Variants in CCDC71 observed in about 807,000 individuals in gnomAD.
CCDC71 encodes the protein coiled-coil domain-containing protein 71.
For synonymous variants in CCDC71, 257 were observed against 242.2 expected, an observed-to-expected ratio of 1.06 and a Z score of -0.57; for missense variants, 594 against 604.0, an observed-to-expected ratio of 0.98 and a Z score of 0.17.
At chr3:49,165,823 TG>T (rs2107655091) in intron 1 of CCDC71, among the ~76,000 whole-genome samples, 1 of 152,366 alleles carries the variant, frequency 6.6e-6, no homozygotes, top group South Asian at 2.1e-4. Flanking sequence ...CAGGTTAGGC[TG>T]GGCTCTTGGG....
chr3:49,162,573 T>A lies in CCDC71; in HGVS notation c.*232A>T. The A allele has an allele frequency of 3.4e-6, 2 of 589,680 alleles. No individual in the cohort carries two copies. The allele number at this position is 589,680 out of a possible 1,614,324, so 36.5% of individuals were successfully genotyped here. A position where few individuals can be genotyped will look rare whatever the true frequency, so the allele number is the denominator to read the frequency against. ...AACGTGATAGATGGAACAGTAGACA[T>A]ACAACTTGAATAACAAGTCACAGTG... On this transcript the variant is annotated 3_prime_UTR_variant, in exon 2 of 2. Transcript: ENST00000321895.
Position 49,163,900 on chromosome 3 carries a change from G to A in CCDC71, c.309C>T (p.Pro103=). Residue 103 remains proline, a synonymous_variant, in exon 2 of 2, where the codon CCC becomes CCT. Transcript: ENST00000321895. ...CTGCAGGCAACCGCATGGCAGTTCGGGGAGCACTGGCTGGAGGTGATGTGG... is the reference window on the plus strand; with the variant it reads ...CTGCAGGCAACCGCATGGCAGTTCGAGGAGCACTGGCTGGAGGTGATGTGG... The part of the protein sequence containing the change: ...PTATSPPASA[P]RTAMRLPAGR... 6.2e-7 allele frequency: 1 copy of A among 1,614,232 alleles called. No individual in the cohort carries two copies. The highest frequency in any genetic ancestry group is 8.5e-7 in the Non-Finnish European group (1 of 1,180,038).
intron 1 of CCDC71, among the ~76,000 whole-genome samples, chr3:49,165,140 G>A (rs1056638228): frequency 1.3e-5 from 2 of 152,194 alleles, no homozygotes; most frequent in Non-Finnish European, 2.9e-5. Context: ...TGAGTAGCAG[G>A]TGCCAATGAC....
In CCDC71 at chr3:49,162,789, T is replaced by C. The variant is rs774090662; in HGVS notation, c.*16A>G. ...CAGCTGGGCTTAGTTTCCCCAAACATTGCCGTGTGAAGGAATCAGACTGCT... is the reference window on the plus strand; with the variant it reads ...CAGCTGGGCTTAGTTTCCCCAAACACTGCCGTGTGAAGGAATCAGACTGCT... On this transcript the variant is annotated 3_prime_UTR_variant, in exon 2 of 2. Coordinates refer to ENST00000321895, the MANE Select transcript of CCDC71 (RefSeq NM_022903.4). 5.6e-6 allele frequency: 9 copies of C among 1,607,678 alleles called. No individual in the cohort carries two copies. Among genetic ancestry groups the C allele is most frequent in the African/African-American group, 1.3e-5 (1 of 74,862 alleles).
chr3:49,164,976 G>A (rs745742837), intron 1 of CCDC71, among the ~76,000 whole-genome samples: 24 of 152,214 alleles, frequency 1.6e-4, no homozygotes, highest in Admixed American at 5.2e-4. Flanking sequence ...CTGTTCATGT[G>A]TGGAGCTGGA....
In CCDC71 at chr3:49,163,353, C is replaced by T. The variant is rs759447784; in HGVS notation, c.856G>A (p.Ala286Thr). The T allele has an allele frequency of 1.2e-6, 2 of 1,613,988 alleles. No individual in the cohort carries two copies. The highest frequency in any genetic ancestry group is 8.5e-7 in the Non-Finnish European group (1 of 1,180,042). The stretch of plus-strand genomic sequence containing the variant: ...CGAGCAGCTTTGGCCAGTGTTCGAG[C>T]TACCTTGGCCTGGGCTGTTTTGGTG... ...LGTKTAQAKVARTLAKAARAQ... is the reference protein window; with the variant it reads ...LGTKTAQAKVTRTLAKAARAQ... The change falls in exon 2 of 2, where the codon GCT (alanine) becomes ACT (threonine). Residue 286 changes from alanine (A) to threonine (T), a missense_variant. Physicochemically the swap from Ala to Thr is moderately conservative, Grantham distance 58. Coordinates refer to ENST00000321895, the MANE Select transcript of CCDC71 (RefSeq NM_022903.4).
chr3:49,164,898 C>G (rs755282678), intron 1 of CCDC71, among the ~76,000 whole-genome samples: 2 of 152,152 alleles, frequency 1.3e-5, no homozygotes, highest in African/African-American at 2.4e-5. Flanking sequence ...AACAAAGAAC[C>G]CTGAATGTTA....
Position 49,164,144 on chromosome 3 carries a change from G to A in CCDC71, c.65C>T (p.Ala22Val). 6.2e-7 allele frequency: 1 copy of A among 1,613,674 alleles called. No individual in the cohort carries two copies. Among genetic ancestry groups the A allele is most frequent in the Middle Eastern group, 1.6e-4 (1 of 6,062 alleles). ...AVHSWSRIST[A>V]GKKALEEALL... ...TGCCTCTTCCAGGGCCTTCTTCCCT[G>A]CCGTGGAGATGCGCGACCAGGAGTG... Residue 22 changes from alanine to valine, a missense_variant, in exon 2 of 2, where the codon GCA becomes GTA. Physicochemically the swap from Ala to Val is moderately conservative, Grantham distance 64. Coordinates refer to ENST00000321895, the MANE Select transcript of CCDC71 (RefSeq NM_022903.4).
chr3:49,166,114 G>A lies in CCDC71; in HGVS notation c.-53+153C>T, dbSNP rs1269437185. Among the ~76,000 whole-genome samples the A allele has an allele frequency of 6.8e-6, 1 of 146,116 alleles. No individual in the cohort carries two copies. The highest frequency in any genetic ancestry group is 1.5e-5 in the Non-Finnish European group (1 of 66,112). ...ACCGGGACCGCACAGCCCCAGGGTGGGGTCGCTGGGCGCGGGGTGGGGGTG... is the reference window on the plus strand; with the variant it reads ...ACCGGGACCGCACAGCCCCAGGGTGAGGTCGCTGGGCGCGGGGTGGGGGTG... On this transcript the variant is annotated intron_variant, in intron 1 of 1. Transcript: ENST00000321895. This position sits in a 1 kb window ranked among gnomAD's most constrained non-coding sequence, Gnocchi z 4.0.
chr3:49,165,548 T>A (rs553633716), intron 1 of CCDC71, among the ~76,000 whole-genome samples: 7 of 152,366 alleles, frequency 4.6e-5, no homozygotes, highest in African/African-American at 1.7e-4. Flanking sequence ...ATGCAGCAGA[T>A]GAAGTCTTCA....
rs750500708 is a variant in CCDC71, at chr3:49,162,821, G to A, written c.1388C>T (p.Pro463Leu). Residue 463 changes from proline to leucine, a missense_variant, in exon 2 of 2, where the codon CCA becomes CTA. By Grantham distance (98) the Pro-to-Leu change is moderately conservative (BLOSUM62 -3). Transcript: ENST00000321895. ...GTGAAGGAATCAGACTGCTGAATAT[G>A]GCAGCAATGGCTGGAGCCGTATTAC... ...SPVIRLQPLL[P>L]YSAV 5.0e-6 allele frequency: 8 copies of A among 1,612,964 alleles called. No individual in the cohort carries two copies. In the Admixed American group the frequency reaches 6.7e-5, roughly 13 times the overall value.
In CCDC71 at chr3:49,163,921, T is replaced by G. The variant is rs748528332; in HGVS notation, c.288A>C (p.Thr96=). 6.2e-7 allele frequency: 1 copy of G among 1,614,146 alleles called. No homozygotes were observed. Among genetic ancestry groups the G allele is most frequent in the South Asian group, 1.1e-5 (1 of 91,078 alleles). The part of the protein sequence containing the change: ...LQARAPNPTA[T]SPPASAPRTA... The stretch of plus-strand genomic sequence containing the variant: ...TTCGGGGAGCACTGGCTGGAGGTGA[T>G]GTGGCAGTTGGGTTAGGGGCACGAG... Residue 96 remains threonine (T), a synonymous_variant, in exon 2 of 2, where the codon ACA becomes ACC. Transcript: ENST00000321895.
chr3:49,163,501 G>C lies in CCDC71; in HGVS notation c.708C>G (p.Pro236=). ...CAGGGCCTTTGCGAGTCAGACACTTGGGGCCCTTGCTTGTGGTTTTTCTGG... is the reference window on the plus strand; with the variant it reads ...CAGGGCCTTTGCGAGTCAGACACTTCGGGCCCTTGCTTGTGGTTTTTCTGG... The part of the protein sequence containing the change: ...KAPRKTTSKG[P]KCLTRKGPGA... Residue 236 remains proline (P), a synonymous_variant, in exon 2 of 2, where the codon CCC becomes CCG. Transcript: ENST00000321895. 6.2e-7 allele frequency: 1 copy of C among 1,614,232 alleles called. No homozygotes were observed. Among genetic ancestry groups the C allele is most frequent in the Non-Finnish European group, 8.5e-7 (1 of 1,180,036 alleles).
Position 49,163,595 on chromosome 3 carries a change from A to C in CCDC71, c.614T>G (p.Leu205Arg), listed in dbSNP as rs773019640. The change falls in exon 2 of 2, where the codon CTT (leucine) becomes CGT (arginine). Residue 205 changes from leucine (L) to arginine (R), a missense_variant. Transcript: ENST00000321895. ...KHKAQSLQLS[L>R]ADSPLKLRKS... ...CCGCAGTTTCAGAGGAGAGTCTGCA[A>C]GTGAGAGCTGCAGTGACTGTGCCTT... 2 of 1,614,098 alleles carry C rather than the reference A, an allele frequency of 1.2e-6. No homozygotes were observed. The highest frequency in any genetic ancestry group is 1.7e-6 in the Non-Finnish European group (2 of 1,180,038).
At chr3:49,165,592 G>C (rs1269554984) in intron 1 of CCDC71, among the ~76,000 whole-genome samples, 3 of 152,266 alleles carry the variant, frequency 2.0e-5, no homozygotes, top group Non-Finnish European at 4.4e-5. Context: ...AGGGCTCTTT[G>C]TTTGGAAACA....
intron 1 of CCDC71, among the ~76,000 whole-genome samples, chr3:49,164,815 A>G (rs2045713613): frequency 6.6e-6 from 1 of 152,254 alleles, no homozygotes; most frequent in African/African-American, 2.4e-5. Context: ...CAATGGCTCC[A>G]AAGTGAGAAA....
In CCDC71 at chr3:49,166,125, C is replaced by T. The variant is rs1440180856; in HGVS notation, c.-53+142G>A. Reference sequence around the variant, plus strand: ...ACAGCCCCAGGGTGGGGTCGCTGGGCGCGGGGTGGGGGTGGGGTGGGGGGT... The same window carrying T: ...ACAGCCCCAGGGTGGGGTCGCTGGGTGCGGGGTGGGGGTGGGGTGGGGGGT... On this transcript the variant is annotated intron_variant, in intron 1 of 1. Coordinates refer to ENST00000321895, the MANE Select transcript of CCDC71 (RefSeq NM_022903.4). The surrounding 1 kb of genome is among the most constrained non-coding windows in gnomAD (Gnocchi z 4.0). 2 of 63,550 alleles carry T rather than the reference C, an allele frequency of 3.1e-5. No homozygotes were observed. The highest frequency in any genetic ancestry group is 6.2e-5 in the Non-Finnish European group (2 of 32,390). The allele number at this position is 63,550 out of a possible 1,614,324, so 3.9% of individuals were successfully genotyped here.
rs1373167487 is a variant in CCDC71, at chr3:49,164,112, C to A, written c.97G>T (p.Val33Phe). ...GKKALEEALL[V>F]FNPMSQDLSA... ...AGATCCTGGCTCATTGGGTTAAAGA[C>A]AAGCAGTGCCTCTTCCAGGGCCTTC... Residue 33 changes from valine to phenylalanine, a missense_variant, in exon 2 of 2, where the codon GTC becomes TTC. Transcript: ENST00000321895. 1 of 1,613,882 alleles carries A rather than the reference C, an allele frequency of 6.2e-7. No homozygotes were observed. Among genetic ancestry groups the A allele is most frequent in the Non-Finnish European group, 8.5e-7 (1 of 1,180,038 alleles).
rs779309566 is a variant in CCDC71 at position 49,164,251 on chromosome 3, C to T, written c.-43G>A. ...ATCTGCCTGGGTATCCGCAAACCAGCGCTTGGCACCTCCAAGACAAGAGGA... is the reference window on the plus strand; with the variant it reads ...ATCTGCCTGGGTATCCGCAAACCAGTGCTTGGCACCTCCAAGACAAGAGGA... On this transcript the variant is annotated 5_prime_UTR_variant, in exon 2 of 2. Coordinates refer to ENST00000321895, the MANE Select transcript of CCDC71 (RefSeq NM_022903.4). 33 of 1,570,026 alleles carry T rather than the reference C, an allele frequency of 2.1e-5. No individual in the cohort carries two copies. Among genetic ancestry groups the T allele is most frequent in the Middle Eastern group, 3.4e-4 (2 of 5,930 alleles).
Sources: allele counts gnomAD v4.1 joint callset (sites outside exome capture counted in the v4.1 genomes callset), GRCh38; gene constraint gnomAD v4.1.1; non-coding constraint Gnocchi (gnomAD v3.1); transcripts MANE v1.5; gene names NCBI Gene and HGNC (gene_info 2026-07-23, HGNC 2026-07-21).